ZNF649: variants seen among roughly 807,000 people sequenced by gnomAD.
The protein encoded by ZNF649 is zinc finger protein 649.
Under a neutral mutation model 14.1 loss-of-function variants are expected in ZNF649, and 7 were observed. That is an observed-to-expected ratio of 0.49 (90% CI 0.28 to 0.93). The LOEUF is 0.93. Among genes scored for constraint, ZNF649 ranks in the 40% least tolerant of loss-of-function variants. ZNF649 has a pLI of 0.10. For synonymous variants in ZNF649, 227 were observed against 212.3 expected, an observed-to-expected ratio of 1.07 and a Z score of -0.60; for missense variants, 544 against 608.1, an observed-to-expected ratio of 0.89 and a Z score of 1.11.
At position 51,891,998 on chromosome 19, in the gene ZNF649, A is replaced by G. The variant is rs1037694590; in HGVS notation, c.239-101T>C. ...CTGGCTTTTTACTGGAACCCCTATA[A>G]TACCAACATGGAAGGAATTCCAAGT... On this transcript the variant is annotated intron_variant, in intron 4 of 4. Transcript: ENST00000354957. This position sits in a 1 kb window ranked among gnomAD's most constrained non-coding sequence, Gnocchi z 4.2. 9 of 1,315,932 alleles carry G rather than the reference A, an allele frequency of 6.8e-6. No homozygotes were observed. The highest frequency in any genetic ancestry group is 2.2e-4 in the Middle Eastern group (1 of 4,582). 81.5% of individuals were successfully genotyped at this position (1,315,932 alleles called of 1,614,324 possible). A position where few individuals can be genotyped will look rare whatever the true frequency, so the allele number is the denominator to read the frequency against.
chr19:51,892,257 T>A (rs2122757996), intron 4 of ZNF649, among the ~76,000 whole-genome samples: 1 of 151,806 alleles, frequency 6.6e-6, no homozygotes, highest in East Asian at 1.9e-4. Flanking sequence ...GTGCCTGTAG[T>A]CCCAGCTACT....
chr19:51,896,104 T>C (rs1028810448), intron 4 of ZNF649: 1 of 209,090 alleles, frequency 4.8e-6, no homozygotes, highest in African/African-American at 2.3e-5. Flanking sequence ...GTGGCATAAA[T>C]GCTGTGTTGA....
chr19:51,890,407 C>A lies in ZNF649; in HGVS notation c.*211G>T. 3 of 490,864 alleles carry A rather than the reference C, an allele frequency of 6.1e-6. No individual in the cohort carries two copies. Among genetic ancestry groups the A allele is most frequent in the Non-Finnish European group, 1.1e-5 (3 of 280,504 alleles). The allele number at this position is 490,864 out of a possible 1,614,324, so 30.4% of individuals were successfully genotyped here. On this transcript the variant is annotated 3_prime_UTR_variant, in exon 5 of 5. Transcript: ENST00000354957. The stretch of plus-strand genomic sequence containing the variant: ...CCAAGTGGAAGCCTCTAAAACTGCC[C>A]CCCTCCCCAGCCAAACTCTATGATC...
chr19:51,896,900 G>A lies in ZNF649; in HGVS notation c.94C>T (p.Leu32=). ...WQFLSPAQKD[L]YRDVMLENYS... ...TTCTCCAACATCACATCCCGGTACA[G>A]GTCCTTCTGAGCAGGGCTCAGGAAC... The change falls in exon 3 of 5, where the codon CTG becomes TTG. Residue 32 remains leucine (L), a synonymous_variant. Coordinates refer to ENST00000354957, the MANE Select transcript of ZNF649 (RefSeq NM_023074.4). 6.2e-7 allele frequency: 1 copy of A among 1,614,146 alleles called. No homozygotes were observed. The highest frequency in any genetic ancestry group is 8.5e-7 in the Non-Finnish European group (1 of 1,180,020).
At position 51,897,038 on chromosome 19, in the gene ZNF649, A is replaced by C. The variant is rs74420881; in HGVS notation, c.16-60T>G. The C allele has an allele frequency of 5.0e-6, 8 of 1,607,444 alleles. No homozygotes were observed. The East Asian group carries it at 1.6e-4, about 31-fold the overall frequency. On this transcript the variant is annotated intron_variant, in intron 2 of 4. Transcript: ENST00000354957. ...TTTTATTGACATGGAAGAAATATGA[A>C]GTTGTTCGGCCCATTTTCACCACAT...
chr19:51,891,773 G>A lies in ZNF649; in HGVS notation c.363C>T (p.Ser121=), dbSNP rs2085024668. 1 of 1,614,050 alleles carries A rather than the reference G, an allele frequency of 6.2e-7. No individual in the cohort carries two copies. Among genetic ancestry groups the A allele is most frequent in the Non-Finnish European group, 8.5e-7 (1 of 1,180,010 alleles). Residue 121 remains serine (S), a synonymous_variant, in exon 5 of 5, where the codon AGC becomes AGT. Transcript: ENST00000354957. This position sits in a 1 kb window ranked among gnomAD's most constrained non-coding sequence, Gnocchi z 4.2. The part of the protein sequence containing the change: ...LKSYLGLTNQ[S]RRYNRKEPAE... Reference sequence around the variant, plus strand: ...CAGGCTCCTTTCTGTTGTATCTTCTGCTCTGGTTGGTTAAACCTAAATATG... The same window carrying A: ...CAGGCTCCTTTCTGTTGTATCTTCTACTCTGGTTGGTTAAACCTAAATATG...
chr19:51,896,317 T>C (rs2085061959), intron 4 of ZNF649, 155 bp downstream of exon 4: 9 of 614,954 alleles, frequency 1.5e-5, no homozygotes, highest in Non-Finnish European at 2.6e-5. Context: ...TTCTCTGAAT[T>C]CCTATAAGAA....
chr19:51,890,692 T>C lies in ZNF649; in HGVS notation c.1444A>G (p.Lys482Glu), dbSNP rs142804984. 82 of 1,614,118 alleles carry C rather than the reference T, an allele frequency of 5.1e-5. No homozygotes were observed. In the African/African-American group the frequency reaches 8.7e-4, roughly 17 times the overall value. ...SLSPSEHVQG[K>E]SPVNMVTVAM... is the part of the protein sequence containing the mutation. ...ACAGTTACCATATTAACAGGGCTTT[T>C]CCCCTGCACATGTTCACTAGGACTT... is the stretch of plus-strand genomic sequence containing the variant. Residue 482 changes from lysine (K) to glutamate (E), a missense_variant, in exon 5 of 5, where the codon AAA (lysine) becomes GAA (glutamate). Coordinates refer to ENST00000354957, the MANE Select transcript of ZNF649 (RefSeq NM_023074.4).
At chr19:51,903,545 G>C (rs916603253) in intron 1 of ZNF649, among the ~76,000 whole-genome samples, 2 of 152,160 alleles carry the variant, frequency 1.3e-5, no homozygotes, top group Admixed American at 1.3e-4. Flanking sequence ...ATAGCTAGGC[G>C]CGATGGCTCA....
chr19:51,902,149 G>C (rs2085098851), intron 1 of ZNF649, among the ~76,000 whole-genome samples: 1 of 152,088 alleles, frequency 6.6e-6, no homozygotes. Context: ...AAACCTGCTG[G>C]TGCTTCGATC....
At chr19:51,897,905 C>T (rs903514075) in intron 2 of ZNF649, among the ~76,000 whole-genome samples, 24 of 151,822 alleles carry the variant, frequency 1.6e-4, no homozygotes, top group African/African-American at 5.3e-4. Flanking sequence ...GCGGATCACC[C>T]GAGGTCAGGA....
chr19:51,896,826 G>C (rs760445576), intron 3 of ZNF649, 26 bp downstream of exon 3: 1 of 1,614,122 alleles, frequency 6.2e-7, no homozygotes, highest in East Asian at 2.2e-5. Context: ...GGTACCCTCT[G>C]AGTGACACAG....
intron 4 of ZNF649, 113 bp downstream of exon 4, chr19:51,896,359 A>T: frequency 1.2e-6 from 1 of 851,058 alleles, no homozygotes; most frequent in East Asian, 2.5e-5. Flanking sequence ...GGAGAAGAAG[A>T]TGTGGCAGCT....
chr19:51,894,953 T>C (rs577523389), intron 4 of ZNF649, among the ~76,000 whole-genome samples: 1 of 152,286 alleles, frequency 6.6e-6, no homozygotes, highest in South Asian at 2.1e-4. Flanking sequence ...TTAATAAAGA[T>C]CTAGCCTTTA....
At position 51,891,321 on chromosome 19, in the gene ZNF649, G is replaced by T. The variant is rs369772422; in HGVS notation, c.815C>A (p.Pro272His). 5 of 1,613,314 alleles carry T rather than the reference G, an allele frequency of 3.1e-6. No individual in the cohort carries two copies. The highest frequency in any genetic ancestry group is 4.2e-6 in the Non-Finnish European group (5 of 1,179,826). ...YGCSECGKAF[P>H]RKSELTEHQR... The stretch of plus-strand genomic sequence containing the variant: ...ATGTTCAGTAAGCTCAGATTTCCTG[G>T]GGAAGGCTTTCCCACATTCACTGCA... Residue 272 changes from proline to histidine, a missense_variant, in exon 5 of 5, where the codon CCC becomes CAC. Transcript: ENST00000354957. This position sits in a 1 kb window ranked among gnomAD's most constrained non-coding sequence, Gnocchi z 4.2.
At position 51,890,742 on chromosome 19, in the gene ZNF649, T is replaced by G. The variant is rs140349201; in HGVS notation, c.1394A>C (p.Asn465Thr). ...EKRGDSVKVENPSTASHSLSP... is the reference protein window; with the variant it reads ...EKRGDSVKVETPSTASHSLSP... ...TAAGCTGTGACTTGCTGTGGAAGGA[T>G]TTTCCACCTTCACTGAATCCCCCCG... The change falls in exon 5 of 5, where the codon AAT becomes ACT. Residue 465 changes from asparagine to threonine, a missense_variant. Coordinates refer to ENST00000354957, the MANE Select transcript of ZNF649 (RefSeq NM_023074.4). The G allele has an allele frequency of 1.2e-6, 2 of 1,614,200 alleles. No individual in the cohort carries two copies. Among genetic ancestry groups the G allele is most frequent in the South Asian group, 2.2e-5 (2 of 91,080 alleles).
chr19:51,903,593 C>A (rs144528950), intron 1 of ZNF649, among the ~76,000 whole-genome samples: 2 of 152,200 alleles, frequency 1.3e-5, no homozygotes, highest in Non-Finnish European at 2.9e-5. Flanking sequence ...CCGAGGCGGG[C>A]AGATCACCTG....
At chr19:51,900,337 C>T (rs1311033787) in intron 1 of ZNF649, 43 bp from the exon 2 acceptor site, 10 of 401,102 alleles carry the variant, frequency 2.5e-5, no homozygotes, top group South Asian at 2.4e-4. Flanking sequence ...ACATTCCCTC[C>T]GGGCCCAGAT....
At position 51,891,225 on chromosome 19, in the gene ZNF649, A is replaced by G; in HGVS notation, c.911T>C (p.Leu304Pro). The stretch of plus-strand genomic sequence containing the variant: ...ATGAGTTCGCTGATGTACAACGAGT[A>G]GTGATTTTCTGGAGAAAGCTCTCCC... The part of the protein sequence containing the change: ...ECGRAFSRKS[L>P]LVVHQRTHTG... Residue 304 changes from leucine (L) to proline (P), a missense_variant, in exon 5 of 5, where the codon CTA becomes CCA. Physicochemically the swap from Leu to Pro is moderately conservative, Grantham distance 98. Transcript: ENST00000354957. The surrounding 1 kb of genome is among the most constrained non-coding windows in gnomAD (Gnocchi z 4.2). 1 of 1,614,240 alleles carries G rather than the reference A, an allele frequency of 6.2e-7. No individual in the cohort carries two copies. The highest frequency in any genetic ancestry group is 8.5e-7 in the Non-Finnish European group (1 of 1,180,052).
Sources: gnomAD v4.1 joint callset for allele counts (sites outside exome capture counted in the v4.1 genomes callset) on GRCh38, gnomAD v4.1.1 for gene constraint, Gnocchi (gnomAD v3.1) non-coding constraint, MANE v1.5 for transcripts, NCBI Gene and HGNC (gene_info 2026-07-23, HGNC 2026-07-21) for gene names.